CEP192: variants seen among roughly 807,000 people sequenced by gnomAD.
CEP192 encodes centrosomal protein of 192 kDa.
Under a neutral mutation model 271.8 loss-of-function variants are expected in CEP192, and 151 were observed. The observed-to-expected ratio is 0.56, with a 90% CI of 0.49 to 0.64. CEP192 has a LOEUF of 0.64. CEP192 is among the 30% of genes least tolerant of loss of function. The pLI, the probability that CEP192 is intolerant of heterozygous loss-of-function variation, is 0.00. For missense variants in CEP192, 2,910 were observed against 3,020.5 expected, an observed-to-expected ratio of 0.96 and a Z score of 0.86; for synonymous variants, 995 against 1,076.5, an observed-to-expected ratio of 0.92 and a Z score of 1.48.
chr18:13,103,820 G>A, intron 39 of CEP192: 1 of 590,236 alleles, frequency 1.7e-6, no homozygotes, highest in South Asian at 1.5e-5. Flanking sequence ...CTCCCATGTG[G>A]CTGGGACCAC....
chr18:13,017,201 T>A lies in CEP192; in HGVS notation c.654T>A (p.Asp218Glu). 1 of 1,545,300 alleles carries A rather than the reference T, an allele frequency of 6.5e-7. No homozygotes were observed. The highest frequency in any genetic ancestry group is 8.7e-7 in the Non-Finnish European group (1 of 1,145,166). Residue 218 changes from aspartate (D) to glutamate (E), a missense_variant, in exon 7 of 45, where the codon GAT becomes GAA. Transcript: ENST00000506447. ...SLEDSSDDDI[D>E]DEMFYDDHLE... Reference sequence around the variant, plus strand: ...TTTTATCAATAGATGATGATATTGATGATGAAATGTTTTATGATGATCATT... The same window carrying A: ...TTTTATCAATAGATGATGATATTGAAGATGAAATGTTTTATGATGATCATT...
At position 13,068,206 on chromosome 18, in the gene CEP192, AC is replaced by A; in HGVS notation, c.4729del (p.His1577ThrfsTer2). On this transcript the variant is annotated frameshift_variant, in exon 23 of 45. Coordinates refer to ENST00000506447, the MANE Select transcript of CEP192 (RefSeq NM_032142.4). LOFTEE classifies it high-confidence loss of function. ...CGGCTAGCAGGCCCTTCTGTGGTCA[AC>A]CACATGATGCCTGCTAGTTATGATG... ...VTRLAGPSVV[N>X]HMMPASYDGQ... 1.2e-6 allele frequency: 2 copies of A among 1,614,258 alleles called. No homozygotes were observed. The highest frequency in any genetic ancestry group is 1.7e-6 in the Non-Finnish European group (2 of 1,180,056).
At position 13,055,997 on chromosome 18, in the gene CEP192, G is replaced by A; in HGVS notation, c.3407G>A (p.Trp1136Ter). ...GAATATGTAAAACCTGACTTTAGAT[G>A]GAGTAAAGATCCTTCCTCCAAAAGT... ...KPEYVKPDFR[W>*]SKDPSSKSGN... is the part of the protein sequence containing the mutation. Residue 1136 changes from tryptophan (W) to a stop codon, truncating the protein, a stop_gained, in exon 19 of 45, where the codon TGG (tryptophan) becomes TAG (stop). Coordinates refer to ENST00000506447, the MANE Select transcript of CEP192 (RefSeq NM_032142.4). LOFTEE classifies it high-confidence loss of function. 6.2e-7 allele frequency: 1 copy of A among 1,614,198 alleles called. No individual in the cohort carries two copies. The highest frequency in any genetic ancestry group is 8.5e-7 in the Non-Finnish European group (1 of 1,180,044).
At chr18:13,009,321 G>C (rs925853601) in intron 4 of CEP192, among the ~76,000 whole-genome samples, 1 of 152,050 alleles carries the variant, frequency 6.6e-6, no homozygotes, top group Non-Finnish European at 1.5e-5. Context: ...CCATGCTGTC[G>C]GATGGCCACA....
chr18:13,057,175 T>A (rs1470319285), intron 19 of CEP192, among the ~76,000 whole-genome samples: 1 of 152,102 alleles, frequency 6.6e-6, no homozygotes, highest in Non-Finnish European at 1.5e-5. Context: ...TGCATGAGGA[T>A]GTTGGAACAT....
rs61746233 is a variant in CEP192 at position 13,087,112 on chromosome 18, A to C, written c.5712A>C (p.Val1904=). ...ACATGGTAACAGTGAATGGCTTAGT[A>C]CCTGGCAAAGAAAGTAAAATTGTTT... ...DSYMVTVNGL[V]PGKESKIVFS... is the part of the protein sequence containing the mutation. Residue 1904 remains valine, a synonymous_variant, in exon 31 of 45, where the codon GTA becomes GTC. Transcript: ENST00000506447. The C allele has an allele frequency of 6.2e-7, 1 of 1,613,962 alleles. No individual in the cohort carries two copies. The highest frequency in any genetic ancestry group is 1.7e-5 in the Admixed American group (1 of 60,008).
intron 39 of CEP192, among the ~76,000 whole-genome samples, chr18:13,104,627 T>C (rs140471526): frequency 1.5e-4 from 23 of 152,148 alleles, no homozygotes; most frequent in African/African-American, 1.7e-4. Context: ...AATAAATAGA[T>C]AAAAATTAAA....
In CEP192 at chr18:13,062,486, T is replaced by C. The variant is rs114433453; in HGVS notation, c.4488+3174T>C. Among the ~76,000 whole-genome samples, 462 of 152,198 alleles carry C rather than the reference T, an allele frequency of 3.0e-3. 4 individuals are homozygous for C. The highest frequency in any genetic ancestry group is 0.01 in the African/African-American group (416 of 41,532). ...CTAACTTACATTCCTAGAAGAAATG[T>C]GTGCAGGTTCCTGTTATTGCTAACA... On this transcript the variant is annotated intron_variant, in intron 21 of 44. Transcript: ENST00000506447.
chr18:13,029,651 T>C lies in CEP192; in HGVS notation c.1051-12T>C, dbSNP rs1287436487. 1 of 1,456,018 alleles carries C rather than the reference T, an allele frequency of 6.9e-7. No individual in the cohort carries two copies. Among genetic ancestry groups the C allele is most frequent in the East Asian group, 2.5e-5 (1 of 39,942 alleles). 90.2% of individuals were successfully genotyped at this position (1,456,018 alleles called of 1,614,324 possible). A position where few individuals can be genotyped will look rare whatever the true frequency, so the allele number is the denominator to read the frequency against. On this transcript the variant is annotated splice_polypyrimidine_tract_variant and intron_variant, in intron 9 of 44. Transcript: ENST00000506447. ...GTTGCTCTGTTAAAAAATCTGATTT[T>C]TTGTTTTAAAGGAATGTGCAAGTAA...
chr18:13,103,057 G>A (rs1410603022), intron 38 of CEP192, among the ~76,000 whole-genome samples: 8 of 152,172 alleles, frequency 5.3e-5, no homozygotes, highest in Non-Finnish European at 7.3e-5. Context: ...CCATCAGCAA[G>A]TCCTTTGAAG....
intron 11 of CEP192, among the ~76,000 whole-genome samples, chr18:13,035,866 T>C (rs1040221312): frequency 3.3e-5 from 5 of 152,196 alleles, no homozygotes; most frequent in African/African-American, 1.2e-4. Flanking sequence ...TTTCTTAGGC[T>C]GGGCATTTTG....
At chr18:13,038,883 C>T (rs562537610) in intron 13 of CEP192, among the ~76,000 whole-genome samples, 3 of 152,180 alleles carry the variant, frequency 2.0e-5, no homozygotes, top group East Asian at 1.9e-4. Context: ...ACTAAACCAA[C>T]ATGTAATAAG....
chr18:13,070,845 A>G (rs2037973181), intron 27 of CEP192, among the ~76,000 whole-genome samples, 194 bp from the exon 28 acceptor site: 1 of 152,106 alleles, frequency 6.6e-6, no homozygotes, highest in Non-Finnish European at 1.5e-5. Context: ...ATGGCTTCTC[A>G]CACCCCCCTG....
chr18:13,056,816 C>A, intron 19 of CEP192, 118 bp downstream of exon 19: 1 of 870,614 alleles, frequency 1.1e-6, no homozygotes, highest in Non-Finnish European at 1.8e-6. Flanking sequence ...TTTTGTGCTT[C>A]TTCCTAAACT....
intron 21 of CEP192, 80 bp downstream of exon 21, chr18:13,059,392 A>G: frequency 8.1e-7 from 1 of 1,239,164 alleles, no homozygotes; most frequent in South Asian, 1.4e-5. Flanking sequence ...AATTTGGGAA[A>G]AAGAAATTTG....
chr18:13,101,509 C>T (rs555975544), intron 38 of CEP192, among the ~76,000 whole-genome samples: 2 of 152,092 alleles, frequency 1.3e-5, no homozygotes, highest in Non-Finnish European at 2.9e-5. Context: ...GAGAGTCCTG[C>T]GATCATTTAT....
chr18:13,053,972 G>C (rs1261493720), intron 18 of CEP192, among the ~76,000 whole-genome samples: 1 of 152,146 alleles, frequency 6.6e-6, no homozygotes, highest in African/African-American at 2.4e-5. Context: ...GACTACAGGT[G>C]CCTACCACCA....
chr18:13,005,218 T>C (rs2033908589), intron 3 of CEP192, among the ~76,000 whole-genome samples: 1 of 152,132 alleles, frequency 6.6e-6, no homozygotes, highest in Non-Finnish European at 1.5e-5. Flanking sequence ...CACAGGCTAT[T>C]CAGGCTTTCA....
intron 1 of CEP192, among the ~76,000 whole-genome samples, chr18:12,992,713 A>C (rs2032947477): frequency 6.6e-6 from 1 of 152,294 alleles, no homozygotes; most frequent in Non-Finnish European, 1.5e-5. Flanking sequence ...ATCTTGAGGA[A>C]TCTTCCCGTG....
Sources: gnomAD v4.1 joint callset for allele counts (sites outside exome capture counted in the v4.1 genomes callset) on GRCh38, gnomAD v4.1.1 for gene constraint, MANE v1.5 for transcripts, NCBI Gene and HGNC (gene_info 2026-07-23, HGNC 2026-07-21) for gene names.